The following AGFG2 variants were observed in gnomAD, a reference collection of about 807,000 sequenced individuals.
The protein encoded by AGFG2 is arf-GAP domain and FG repeat-containing protein 2.
In AGFG2, 31 loss-of-function variants were observed where a neutral mutation model predicts 48.0. That is an observed-to-expected ratio of 0.65 (90% CI 0.49 to 0.87). AGFG2 has a LOEUF of 0.87. AGFG2 is among the 40% of genes least tolerant of loss of function. AGFG2 has a pLI of 0.00. For missense variants in AGFG2, 599 were observed against 632.6 expected (o/e 0.95, Z 0.57); for synonymous variants, 229 against 260.8 (o/e 0.88, Z 1.18).
At position 100,562,804 on chromosome 7, in the gene AGFG2, C is replaced by T. The variant is rs372891507; in HGVS notation, c.1088-59C>T. 1.9e-4 allele frequency: 312 copies of T among 1,601,062 alleles called. No individual in the cohort carries two copies. The highest frequency in any genetic ancestry group is 2.4e-4 in the Non-Finnish European group (284 of 1,169,008). On this transcript the variant is annotated intron_variant, in intron 8 of 11. Coordinates refer to ENST00000300176, the MANE Select transcript of AGFG2 (RefSeq NM_006076.5). The surrounding 1 kb of genome is among the most constrained non-coding windows in gnomAD (Gnocchi z 5.4). Reference sequence around the variant, plus strand: ...TGCTCAGGCATCACAGGATGAAGCACGTGAGAAAAAAAGTAACCATCTCTC... The same window carrying T: ...TGCTCAGGCATCACAGGATGAAGCATGTGAGAAAAAAAGTAACCATCTCTC...
At position 100,539,275 on chromosome 7, in the gene AGFG2, C is replaced by T; in HGVS notation, c.-72C>T. On this transcript the variant is annotated 5_prime_UTR_variant, in exon 1 of 12. Coordinates refer to ENST00000300176, the MANE Select transcript of AGFG2 (RefSeq NM_006076.5). The stretch of plus-strand genomic sequence containing the variant: ...GTCAGGGGAGCCGGGCGTGCGGAGG[C>T]GGCTGAGGAGGCGGGAAGGCGGCAG... The T allele has an allele frequency of 1.6e-6, 2 of 1,257,548 alleles. No homozygotes were observed. Among genetic ancestry groups the T allele is most frequent in the Non-Finnish European group, 1.0e-6 (1 of 995,006 alleles). The allele number at this position is 1,257,548 out of a possible 1,614,324, so 77.9% of individuals were successfully genotyped here. A position where few individuals can be genotyped will look rare whatever the true frequency, so the allele number is the denominator to read the frequency against.
chr7:100,561,419 G>T (rs939719791), intron 6 of AGFG2, among the ~76,000 whole-genome samples: 2 of 152,280 alleles, frequency 1.3e-5, no homozygotes, highest in East Asian at 3.9e-4. Context: ...GAACTGCCGC[G>T]TCCTGTCAAT....
rs1562793905 is a variant in AGFG2 at position 100,555,754 on chromosome 7, G to A, written c.877+19G>A. On this transcript the variant is annotated intron_variant, in intron 6 of 11. Transcript: ENST00000300176. ...CCTGCAGGTAAACTCTGCCCCACTG[G>A]CTTCCTTTCTCTTCCAACCGTGTCC... 3 of 1,612,382 alleles carry A rather than the reference G, an allele frequency of 1.9e-6. No individual in the cohort carries two copies. Among genetic ancestry groups the A allele is most frequent in the Non-Finnish European group, 2.5e-6 (3 of 1,179,012 alleles).
intron 1 of AGFG2, among the ~76,000 whole-genome samples, chr7:100,543,955 G>A (rs894450933): frequency 2.0e-5 from 3 of 152,174 alleles, no homozygotes; most frequent in Non-Finnish European, 4.4e-5. Flanking sequence ...TGTTTGTTTA[G>A]TTACATTTCT....
At chr7:100,540,809 C>G (rs1364681098) in intron 1 of AGFG2, among the ~76,000 whole-genome samples, 6 of 151,826 alleles carry the variant, frequency 4.0e-5, no homozygotes, top group African/African-American at 7.3e-5. Context: ...GTCAAGAGAT[C>G]GAGACCATCC....
chr7:100,551,030 T>TTATA (rs373297543), intron 3 of AGFG2, among the ~76,000 whole-genome samples: 1,643 of 55,874 alleles, frequency 0.029, 79 homozygotes, highest in East Asian at 0.13. Context: ...CCTGGCTAAT[T>TTATA]TATATATATA....
rs957609921 is a variant in AGFG2, at chr7:100,564,288, C to T, written c.1371C>T (p.Ser457=). 6.8e-6 allele frequency: 11 copies of T among 1,613,626 alleles called. No individual in the cohort carries two copies. The African/African-American group carries it at 1.1e-4, about 16-fold the overall frequency. Residue 457 remains serine (S), a synonymous_variant, in exon 11 of 12, where the codon TCC becomes TCT. Transcript: ENST00000300176. ...QRPLSQPAGI[S]TNPFMTGPSS... is the part of the protein sequence containing the mutation. ...CACTGAGCCAGCCAGCTGGGATCTC[C>T]ACCAACCCCTTCATGGTGAGTGTGC...
At position 100,539,236 on chromosome 7, in the gene AGFG2, G is replaced by C. The variant is rs1390199625; in HGVS notation, c.-111G>C. On this transcript the variant is annotated 5_prime_UTR_variant, in exon 1 of 12. Coordinates refer to ENST00000300176, the MANE Select transcript of AGFG2 (RefSeq NM_006076.5). ...GCGAAGTCTCCTGCGGATGCCGCCC[G>C]CTCCCGAGCTTCTGTCAGGGGAGCC... 6.2e-6 allele frequency: 7 copies of C among 1,125,980 alleles called. No homozygotes were observed. Among genetic ancestry groups the C allele is most frequent in the Non-Finnish European group, 7.9e-6 (7 of 880,648 alleles). 69.7% of individuals were successfully genotyped at this position (1,125,980 alleles called of 1,614,324 possible).
At chr7:100,556,392 A>ATAAG (rs1007046181) in intron 6 of AGFG2, 4 of 247,186 alleles carry the variant, frequency 1.6e-5, no homozygotes, top group Non-Finnish European at 3.3e-5. Flanking sequence ...GGCCTTCTTA[A>ATAAG]AGCATTCTGC....
chr7:100,546,876 C>T (rs984277486), intron 1 of AGFG2, among the ~76,000 whole-genome samples: 1 of 152,156 alleles, frequency 6.6e-6, no homozygotes, highest in Non-Finnish European at 1.5e-5. Context: ...CGGGGCAGAC[C>T]AAGCTTAAGA....
chr7:100,562,488 C>G lies in AGFG2; in HGVS notation c.999-106C>G. The G allele has an allele frequency of 5.0e-6, 8 of 1,599,566 alleles. No homozygotes were observed. The highest frequency in any genetic ancestry group is 2.2e-5 in the East Asian group (1 of 44,536). On this transcript the variant is annotated intron_variant, in intron 7 of 11. Coordinates refer to ENST00000300176, the MANE Select transcript of AGFG2 (RefSeq NM_006076.5). This position sits in a 1 kb window ranked among gnomAD's most constrained non-coding sequence, Gnocchi z 5.4. The stretch of plus-strand genomic sequence containing the variant: ...CTCCTGGCAGTTCTCCCCTCCCCTC[C>G]TCTCCCTTACTCACCCTGGAGAGCA...
intron 1 of AGFG2, among the ~76,000 whole-genome samples, chr7:100,541,116 G>C (rs1348190437): frequency 2.0e-5 from 3 of 151,918 alleles, no homozygotes; most frequent in African/African-American, 7.3e-5. Context: ...GAAGCAAAGA[G>C]AGGTTTCGTA....
rs3115583 is a variant in AGFG2, at chr7:100,554,125, G to A, written c.618G>A (p.Gln206=). Residue 206 remains glutamine, a synonymous_variant, in exon 5 of 12, where the codon CAG becomes CAA. Transcript: ENST00000300176. ...PVSQSHARTS[Q]ARSTQPPPHS... ...GTCAGTCTCACGCTCGGACATCCCA[G>A]GCCCGGAGCACTCAGCCACCTCCCC... 1 of 1,614,074 alleles carries A rather than the reference G, an allele frequency of 6.2e-7. No homozygotes were observed. The highest frequency in any genetic ancestry group is 8.5e-7 in the Non-Finnish European group (1 of 1,179,972).
In AGFG2 at chr7:100,551,068, T is replaced by A. The variant is rs868576829; in HGVS notation, c.431+557T>A. Among the ~76,000 whole-genome samples the A allele has an allele frequency of 7.5e-3, 439 of 58,676 alleles. 2 individuals are homozygous for A. The highest frequency in any genetic ancestry group is 0.011 in the African/African-American group (164 of 15,484). 38.5% of individuals were successfully genotyped at this position (58,676 alleles called of 152,430 possible). On this transcript the variant is annotated intron_variant, in intron 3 of 11. Transcript: ENST00000300176. ...TATATATATATATATATATATATAT[T>A]TCTTTTTTTTTTTTTTTTTGAGACA...
In AGFG2 at chr7:100,549,844, C is replaced by G. The variant is rs1253497561; in HGVS notation, c.316-552C>G. Among the ~76,000 whole-genome samples, 6 of 152,124 alleles carry G rather than the reference C, an allele frequency of 3.9e-5. No homozygotes were observed. In the East Asian group the frequency reaches 9.6e-4, roughly 24 times the overall value. On this transcript the variant is annotated intron_variant, in intron 2 of 11. Transcript: ENST00000300176. ...AGTAGCTCGAACTATAGGCACATGC[C>G]ACCATGCTCCACTAATTTTTGTATT...
In AGFG2 at chr7:100,564,030, C is replaced by T. The variant is rs1562797012; in HGVS notation, c.1300+68C>T. The stretch of plus-strand genomic sequence containing the variant: ...TCTGCATAGAGATCAGTTAGTTGTT[C>T]CTCCGACCTCATCAGAGCCCATGCA... On this transcript the variant is annotated intron_variant, in intron 10 of 11. Coordinates refer to ENST00000300176, the MANE Select transcript of AGFG2 (RefSeq NM_006076.5). The T allele has an allele frequency of 3.2e-6, 5 of 1,584,722 alleles. No homozygotes were observed. The South Asian group carries it at 5.6e-5, about 18-fold the overall frequency.
At chr7:100,547,823 G>C (rs763166224) in intron 1 of AGFG2, among the ~76,000 whole-genome samples, 1 of 152,174 alleles carries the variant, frequency 6.6e-6, no homozygotes, top group Non-Finnish European at 1.5e-5. Flanking sequence ...GCTTTATTGA[G>C]AGATACAGAA....
rs555582166 is a variant in AGFG2, at chr7:100,566,981, G to C, written c.*1990G>C. 2.9e-4 allele frequency: 45 copies of C among 152,644 alleles called. No individual in the cohort carries two copies. Among genetic ancestry groups the C allele is most frequent in the African/African-American group, 1.1e-3 (44 of 41,564 alleles). The allele number at this position is 152,644 out of a possible 1,614,324, so 9.5% of individuals were successfully genotyped here. On this transcript the variant is annotated 3_prime_UTR_variant, in exon 12 of 12. Coordinates refer to ENST00000300176, the MANE Select transcript of AGFG2 (RefSeq NM_006076.5). ...TTAATGCCAGGAGCGCCGAGGTTTGGAACTGAGGCTAAACCGAAGGGCTTT... is the reference window on the plus strand; with the variant it reads ...TTAATGCCAGGAGCGCCGAGGTTTGCAACTGAGGCTAAACCGAAGGGCTTT...
chr7:100,563,024 A>G (rs1217781457), intron 9 of AGFG2, 78 bp downstream of exon 9: 1 of 1,368,738 alleles, frequency 7.3e-7, no homozygotes, highest in African/African-American at 1.4e-5. Flanking sequence ...CTCTCCCTTA[A>G]CCCTTTGTCT....
Sources: allele counts gnomAD v4.1 joint callset (sites outside exome capture counted in the v4.1 genomes callset), GRCh38; gene constraint gnomAD v4.1.1; non-coding constraint Gnocchi (gnomAD v3.1); transcripts MANE v1.5; gene names NCBI Gene and HGNC (gene_info 2026-07-23, HGNC 2026-07-21).